CPEB3: variants seen among roughly 807,000 people sequenced by gnomAD.
The protein encoded by CPEB3 is cytoplasmic polyadenylation element binding protein 3.
Under a neutral mutation model 67.2 loss-of-function variants are expected in CPEB3, and 20 were observed. The observed-to-expected ratio is 0.30, with a 90% CI of 0.21 to 0.43. The LOEUF (loss-of-function observed/expected upper bound fraction) is 0.43. Among genes scored for constraint, CPEB3 ranks in the 20% least tolerant of loss-of-function variants. The pLI is 1.00. For synonymous variants in CPEB3, 376 were observed against 393.1 expected (o/e 0.96, Z 0.51); for missense variants, 746 against 968.6 (o/e 0.77, Z 3.05).
At chr10:92,091,216 TCTTA>T (rs1843604241) in intron 8 of CPEB3, among the ~76,000 whole-genome samples, 1 of 151,366 alleles carries the variant, frequency 6.6e-6, no homozygotes, top group Admixed American at 6.6e-5. Context: ...ACTTTTTTTG[TCTTA>T]CTTTAAAAAA....
rs191791562 is a variant in CPEB3 at position 92,157,376 on chromosome 10, G to A, written c.1223-12291C>T. The stretch of plus-strand genomic sequence containing the variant: ...ACATCCGGCTTCTCCTAGCTACTTC[G>A]TAAAATTATTTGAAAAAACTACAGA... On this transcript the variant is annotated intron_variant, in intron 4 of 9. Transcript: ENST00000265997. 5.7e-4 allele frequency among the ~76,000 whole-genome samples: 86 copies of A among 152,202 alleles called. No homozygotes were observed. In the Middle Eastern group the frequency reaches 0.01, roughly 18 times the overall value.
At chr10:92,288,563 T>G (rs1020336248) in intron 1 of CPEB3, among the ~76,000 whole-genome samples, 5 of 152,182 alleles carry the variant, frequency 3.3e-5, no homozygotes, top group Admixed American at 2.0e-4. Flanking sequence ...GTGGAATTAC[T>G]GGGTCACATG....
chr10:92,061,296 G>A, intron 9 of CPEB3, among the ~76,000 whole-genome samples: 1 of 151,992 alleles, frequency 6.6e-6, no homozygotes, highest in African/African-American at 2.4e-5. Flanking sequence ...GCGGGTGCCT[G>A]TAATCCCAAC....
intron 4 of CPEB3, among the ~76,000 whole-genome samples, chr10:92,159,216 T>G (rs1049626686): frequency 5.1e-4 from 77 of 152,078 alleles, no homozygotes; most frequent in African/African-American, 1.8e-3. Flanking sequence ...TGAGCTGAGA[T>G]CACGCCACTG....
At chr10:92,224,365 C>G (rs1315161351) in intron 2 of CPEB3, among the ~76,000 whole-genome samples, 4 of 152,196 alleles carry the variant, frequency 2.6e-5, no homozygotes, top group Admixed American at 2.0e-4. Context: ...AGCTATGTTT[C>G]TCAGCTTAAA....
intron 7 of CPEB3, among the ~76,000 whole-genome samples, chr10:92,102,670 T>G (rs1844247650): frequency 6.6e-6 from 1 of 152,348 alleles, no homozygotes; most frequent in African/African-American, 2.4e-5. Context: ...GTTATGTATA[T>G]CTTTGCACTA....
chr10:92,082,701 C>T (rs1051509512), intron 8 of CPEB3, among the ~76,000 whole-genome samples: 3 of 152,118 alleles, frequency 2.0e-5, no homozygotes, highest in African/African-American at 7.2e-5. Flanking sequence ...TGGACAGCAC[C>T]TTCTCCAGGT....
chr10:92,227,678 C>T (rs1851046777), intron 2 of CPEB3, among the ~76,000 whole-genome samples: 1 of 151,506 alleles, frequency 6.6e-6, no homozygotes, highest in Non-Finnish European at 1.5e-5. Flanking sequence ...GCAGGCTCCG[C>T]CCCCCGGGGT....
At chr10:92,243,002 T>C (rs1308989523) in intron 1 of CPEB3, among the ~76,000 whole-genome samples, 1 of 152,164 alleles carries the variant, frequency 6.6e-6, no homozygotes, top group African/African-American at 2.4e-5. Flanking sequence ...TTTGTGTTCT[T>C]GGGGTTGTTT....
chr10:92,270,914 C>T (rs1036887227), intron 1 of CPEB3, among the ~76,000 whole-genome samples: 17 of 152,114 alleles, frequency 1.1e-4, no homozygotes, highest in African/African-American at 3.9e-4. Context: ...TGATGGTTCA[C>T]GCCTGTAATC....
At chr10:92,062,747 G>A (rs1250866319) in intron 9 of CPEB3, among the ~76,000 whole-genome samples, 1 of 152,114 alleles carries the variant, frequency 6.6e-6, no homozygotes, top group Non-Finnish European at 1.5e-5. Context: ...TAACCACTAC[G>A]ATTACCTGGA....
rs546300433 is a variant in CPEB3 at position 92,048,387 on chromosome 10, T to TCTCACACACACACA, written c.*3824_*3825insTGTGTGTGTGTGAG. ...TTCTCTCTCTCTCTCTCTCTCTCTC[T>TCTCACACACACACA]CACACACACACACACACACACGACA... is the stretch of plus-strand genomic sequence containing the variant. On this transcript the variant is annotated 3_prime_UTR_variant, in exon 10 of 10. Transcript: ENST00000265997. This position sits in a 1 kb window ranked among gnomAD's most constrained non-coding sequence, Gnocchi z 4.1. 2.0e-4 allele frequency: 29 copies of TCTCACACACACACA among 141,486 alleles called. No individual in the cohort carries two copies. The highest frequency in any genetic ancestry group is 3.4e-3 in the Middle Eastern group (1 of 290). The allele number at this position is 141,486 out of a possible 1,614,324, so 8.8% of individuals were successfully genotyped here.
At position 92,254,353 on chromosome 10, in the gene CPEB3, AGCTAAG is replaced by A. The variant is rs796731164; in HGVS notation, c.-11-13998_-11-13993del. Reference sequence around the variant, plus strand: ...CTAGAAAGCTTTTAAAAATGTTAAAAGCTAAGGCAATTTACATGCAGGAAGTCCACA... The same window carrying A: ...CTAGAAAGCTTTTAAAAATGTTAAAAGCAATTTACATGCAGGAAGTCCACA... On this transcript the variant is annotated intron_variant, in intron 1 of 9. Coordinates refer to ENST00000265997, the MANE Select transcript of CPEB3 (RefSeq NM_014912.5). Among the ~76,000 whole-genome samples the A allele has an allele frequency of 7.4e-4, 112 of 152,312 alleles. No homozygotes were observed. In the Middle Eastern group the frequency reaches 0.01, roughly 14 times the overall value.
At chr10:92,217,744 A>G (rs1400412956) in intron 2 of CPEB3, among the ~76,000 whole-genome samples, 1 of 152,232 alleles carries the variant, frequency 6.6e-6, no homozygotes, top group Non-Finnish European at 1.5e-5. Flanking sequence ...CCTGGGCAAC[A>G]AGCGCAAAAC....
At chr10:92,203,524 A>ATT (rs1340921388) in intron 2 of CPEB3, among the ~76,000 whole-genome samples, 5 of 110,892 alleles carry the variant, frequency 4.5e-5, no homozygotes, top group African/African-American at 1.5e-4. Context: ...ATATATATAT[A>ATT]TATATTTTTT....
At chr10:92,257,728 C>CTT (rs11418720) in intron 1 of CPEB3, among the ~76,000 whole-genome samples, 138 of 130,698 alleles carry the variant, frequency 1.1e-3, no homozygotes, top group African/African-American at 1.4e-3. Context: ...GACCTCAACT[C>CTT]TTTTTTTTTT....
intron 9 of CPEB3, among the ~76,000 whole-genome samples, chr10:92,059,604 G>A (rs547107486): frequency 6.3e-4 from 96 of 151,904 alleles, no homozygotes; most frequent in Non-Finnish European, 1.1e-3. Flanking sequence ...AAAATTAATA[G>A]AAGAAATAAT....
At chr10:92,256,294 T>C (rs1852508644) in intron 1 of CPEB3, among the ~76,000 whole-genome samples, 1 of 152,138 alleles carries the variant, frequency 6.6e-6, no homozygotes, top group Non-Finnish European at 1.5e-5. Context: ...TACTAAATCC[T>C]GAGTAATCAT....
intron 3 of CPEB3, among the ~76,000 whole-genome samples, chr10:92,190,789 C>G (rs1186234897): frequency 6.6e-6 from 1 of 151,472 alleles, no homozygotes; most frequent in Non-Finnish European, 1.5e-5. Context: ...GCCTACCATC[C>G]TTCTCTTAAA....
Sources: gnomAD v4.1 joint callset for allele counts (sites outside exome capture counted in the v4.1 genomes callset) on GRCh38, gnomAD v4.1.1 for gene constraint, Gnocchi (gnomAD v3.1) non-coding constraint, MANE v1.5 for transcripts, NCBI Gene and HGNC (gene_info 2026-07-23, HGNC 2026-07-21) for gene names.